Variants in PHLDB2 observed in about 807,000 individuals in gnomAD.
PHLDB2 encodes the protein pleckstrin homology like domain family B member 2, also known as pleckstrin homology-like domain family B member 2.
In PHLDB2, 71 loss-of-function variants were observed where a neutral mutation model predicts 123.6. The ratio of observed to expected loss-of-function variants is 0.57; its 90% CI spans 0.47 to 0.70. PHLDB2 has a LOEUF of 0.70. Among genes scored for constraint, PHLDB2 ranks in the 30% least tolerant of loss-of-function variants. The pLI is 0.00. For synonymous variants in PHLDB2, 547 were observed against 541.6 expected (o/e 1.01, Z -0.14); for missense variants, 1,446 against 1,519.5 (o/e 0.95, Z 0.80).
chr3:111,824,334 G>A (rs937252903), intron 1 of PHLDB2, among the ~76,000 whole-genome samples: 1 of 152,084 alleles, frequency 6.6e-6, no homozygotes, highest in Non-Finnish European at 1.5e-5. Context: ...GTTAATGGTG[G>A]CCTAAAGCAT....
At chr3:111,922,135 A>G (rs970756671) in intron 5 of PHLDB2, among the ~76,000 whole-genome samples, 6 of 152,246 alleles carry the variant, frequency 3.9e-5, no homozygotes, top group African/African-American at 9.6e-5. Flanking sequence ...ATTGCTATGT[A>G]TATCATATTG....
rs150586024 is a variant in PHLDB2 at position 111,821,007 on chromosome 3, A to C, written c.-48-24814A>C. 1.5e-3 allele frequency among the ~76,000 whole-genome samples: 235 copies of C among 152,226 alleles called. 1 individual carries two copies. Among genetic ancestry groups the C allele is most frequent in the African/African-American group, 5.5e-3 (228 of 41,526 alleles). On this transcript the variant is annotated intron_variant, in intron 1 of 17. Coordinates refer to the PHLDB2 transcript ENST00000393923. ...TTGGGAGAGTGCAATTCCAGAACCG[A>C]GGTTTAGTTCCAAGAGCCCCTGAAG... is the stretch of plus-strand genomic sequence containing the variant.
intron 1 of PHLDB2, among the ~76,000 whole-genome samples, chr3:111,797,464 A>G (rs2061209076): frequency 6.6e-6 from 1 of 152,158 alleles, no homozygotes; most frequent in Non-Finnish European, 1.5e-5. Flanking sequence ...TTGCCACAGA[A>G]TTTTTCCTTC....
In PHLDB2 at chr3:111,913,532, G is replaced by T; in HGVS notation, c.1549G>T (p.Ala517Ser). Residue 517 changes from alanine to serine, a missense_variant, in exon 3 of 18, where the codon GCA becomes TCA. Transcript: ENST00000431670. ...CCACCGGAAAGACTCCCTCCCTGAT[G>T]CAGACTTGGCAAGCTGTGGGAGTCT... is the stretch of plus-strand genomic sequence containing the variant. ...RCHRKDSLPDADLASCGSLSQ... is the reference protein window; with the variant it reads ...RCHRKDSLPDSDLASCGSLSQ... The T allele has an allele frequency of 6.2e-7, 1 of 1,614,134 alleles. No individual in the cohort carries two copies. Among genetic ancestry groups the T allele is most frequent in the African/African-American group, 1.3e-5 (1 of 75,052 alleles).
At chr3:111,897,867 G>A (rs893105343) in intron 2 of PHLDB2, among the ~76,000 whole-genome samples, 1 of 152,168 alleles carries the variant, frequency 6.6e-6, no homozygotes, top group Non-Finnish European at 1.5e-5. Context: ...CCAGACCACC[G>A]CAAGAAGGCG....
intron 3 of PHLDB2, 82 bp from the exon 4 acceptor site, chr3:111,918,990 A>G (rs2068343686): frequency 7.0e-7 from 1 of 1,427,528 alleles, no homozygotes; most frequent in East Asian, 2.3e-5. Context: ...GAGACCCTAG[A>G]CCTGTGGATG....
intron 10 of PHLDB2, among the ~76,000 whole-genome samples, chr3:111,952,209 C>T (rs1013824830): frequency 6.6e-6 from 1 of 152,160 alleles, no homozygotes; most frequent in Admixed American, 6.5e-5. Context: ...TGTGTCATCA[C>T]ACAGAACTGC....
intron 2 of PHLDB2, among the ~76,000 whole-genome samples, chr3:111,853,536 G>A (rs890154012): frequency 3.3e-5 from 5 of 152,138 alleles, no homozygotes; most frequent in African/African-American, 1.2e-4. Context: ...TGTGCTGTCT[G>A]TCCTCTGTGC....
At chr3:111,883,481 T>A (rs1256668663) in intron 1 of PHLDB2, among the ~76,000 whole-genome samples, 1 of 152,208 alleles carries the variant, frequency 6.6e-6, no homozygotes, top group Admixed American at 6.5e-5. Flanking sequence ...ATTACCTACC[T>A]CTGATGACTA....
chr3:111,852,145 A>G (rs551399025), intron 2 of PHLDB2, among the ~76,000 whole-genome samples: 2 of 151,358 alleles, frequency 1.3e-5, no homozygotes, highest in East Asian at 3.9e-4. Context: ...AACATTCCTC[A>G]TGTTCTGAAT....
At chr3:111,855,403 TTCTTC>T (rs1240550048), upstream of PHLDB2, among the ~76,000 whole-genome samples, 1 of 145,444 alleles carries the variant, frequency 6.9e-6, no homozygotes, top group Non-Finnish European at 1.5e-5. Context: ...GACTCTCTCT[TTCTTC>T]CTTCCTTCCT....
At chr3:111,848,462 T>C (rs889997080) in intron 2 of PHLDB2, among the ~76,000 whole-genome samples, 4 of 152,198 alleles carry the variant, frequency 2.6e-5, no homozygotes, top group Non-Finnish European at 4.4e-5. Flanking sequence ...TGCTCATCAA[T>C]GCTCAGCAGG....
chr3:111,780,399 A>AGAAGAAGAAGAAGAAGGAGAAG (rs1553726797), intron 1 of PHLDB2, among the ~76,000 whole-genome samples: 1 of 74,364 alleles, frequency 1.3e-5, no homozygotes, highest in African/African-American at 4.7e-5. Context: ...AAGAAGAAGA[A>AGAAGAAGAAGAAGAAGGAGAAG]GAAGAAGAAG....
intron 2 of PHLDB2, among the ~76,000 whole-genome samples, chr3:111,900,135 T>C (rs1305874535): frequency 6.6e-6 from 1 of 152,220 alleles, no homozygotes; most frequent in Admixed American, 6.5e-5. Flanking sequence ...AGGGCCTTGC[T>C]CTGGATTAGG....
intron 1 of PHLDB2, among the ~76,000 whole-genome samples, chr3:111,872,348 AGGCTGTAAACTTT>A (rs1364182249): frequency 1.3e-5 from 2 of 152,212 alleles, no homozygotes; most frequent in Non-Finnish European, 2.9e-5. Flanking sequence ...TCAAGAAGAC[AGGCTGTAAACTTT>A]GGCATCTTCT....
intron 1 of PHLDB2, among the ~76,000 whole-genome samples, chr3:111,768,377 A>C (rs905221714): frequency 6.6e-6 from 1 of 152,180 alleles, no homozygotes; most frequent in Non-Finnish European, 1.5e-5. Context: ...TTTAAGTGAG[A>C]ATATTATTCT....
intron 5 of PHLDB2, among the ~76,000 whole-genome samples, chr3:111,928,578 CTCTCCTCTAG>C (rs2068938618): frequency 6.6e-6 from 1 of 152,142 alleles, no homozygotes; most frequent in Non-Finnish European, 1.5e-5. Flanking sequence ...CTTTTCTTTC[CTCTCCTCTAG>C]TTTTCTTTCA....
At chr3:111,885,459 G>GC in intron 2 of PHLDB2, 47 bp downstream of exon 2, 1 of 1,612,136 alleles carries the variant, frequency 6.2e-7, no homozygotes, top group South Asian at 1.1e-5. Context: ...TCATTAACCA[G>GC]CATCTACAGG....
intron 1 of PHLDB2, among the ~76,000 whole-genome samples, chr3:111,736,017 A>G (rs1004988735): frequency 5.3e-5 from 8 of 152,172 alleles, no homozygotes; most frequent in Middle Eastern, 3.2e-3. Flanking sequence ...TCCTTAGAGT[A>G]TATATTTATT....
Sources: gnomAD v4.1 joint callset for allele counts (sites outside exome capture counted in the v4.1 genomes callset) on GRCh38, gnomAD v4.1.1 for gene constraint, MANE v1.5 for transcripts, NCBI Gene and HGNC (gene_info 2026-07-23, HGNC 2026-07-21) for gene names.